The following DRC9 variants were observed in gnomAD, a reference collection of about 807,000 sequenced individuals.
DRC9 encodes dynein regulatory complex subunit 9.
the DRC9 span, chr3:197,956,723 C>T: frequency 3.3e-5 from 5 of 150,920 alleles, no homozygotes; most frequent in South Asian, 2.1e-4. Context: ...TCAACCTCCT[C>T]GGCTCAGGCA....
the DRC9 span, among the ~76,000 whole-genome samples, chr3:197,910,429 C>T: frequency 6.6e-6 from 1 of 152,212 alleles, no homozygotes; most frequent in Non-Finnish European, 1.5e-5. Context: ...TATCCAACAC[C>T]TGCCAGGTAT....
chr3:197,916,744 A>C, the DRC9 span, among the ~76,000 whole-genome samples: 1 of 152,188 alleles, frequency 6.6e-6, no homozygotes, highest in Non-Finnish European at 1.5e-5. Context: ...ATTGGAAGAA[A>C]AAACAAAGTG....
the DRC9 span, chr3:197,944,173 T>G: frequency 2.3e-6 from 2 of 852,302 alleles, no homozygotes; most frequent in South Asian, 3.4e-5. Context: ...TAATAGAACC[T>G]AGATGAAAAA....
At chr3:197,931,933 T>C in the DRC9 span, among the ~76,000 whole-genome samples, 1 of 152,098 alleles carries the variant, frequency 6.6e-6, no homozygotes, top group South Asian at 2.1e-4. Context: ...CCGAATTCAA[T>C]CTTAAGAAAG....
the DRC9 span, chr3:197,938,577 C>T: frequency 5.0e-6 from 8 of 1,613,482 alleles, no homozygotes; most frequent in East Asian, 2.2e-5. Flanking sequence ...TCAGTGTCTC[C>T]GTAGTCATGA....
At chr3:197,897,182 G>T in the DRC9 span, among the ~76,000 whole-genome samples, 3 of 151,050 alleles carry the variant, frequency 2.0e-5, no homozygotes, top group Non-Finnish European at 4.4e-5. Context: ...TAATAAATTT[G>T]AAATCAGTGT....
chr3:197,913,714 C>G, the DRC9 span: 1 of 745,614 alleles, frequency 1.3e-6, no homozygotes, highest in East Asian at 2.5e-5. Context: ...TGCTTGCGAA[C>G]ACGCATATCC....
the DRC9 span, chr3:197,958,169 A>T: frequency 6.6e-6 from 1 of 152,240 alleles, no homozygotes; most frequent in Non-Finnish European, 1.5e-5. Context: ...CTAGGCTCAG[A>T]CAATCCCCTG....
chr3:197,909,878 A>AG, the DRC9 span, among the ~76,000 whole-genome samples: 1 of 152,144 alleles, frequency 6.6e-6, no homozygotes, highest in African/African-American at 2.4e-5. Flanking sequence ...ATGTAATCCC[A>AG]GCTACTCGGG....
chr3:197,918,098 CTTTT>C, the DRC9 span, among the ~76,000 whole-genome samples: 4 of 129,622 alleles, frequency 3.1e-5, no homozygotes, highest in African/African-American at 2.9e-5. Flanking sequence ...GTCAGTGAAT[CTTTT>C]TTTTTTTTTT....
chr3:197,910,798 A>G, the DRC9 span, among the ~76,000 whole-genome samples: 53,596 of 151,892 alleles, frequency 0.35, 12,102 homozygotes, highest in African/African-American at 0.65. Context: ...TGGTCAACAC[A>G]GTGAAACCCC....
the DRC9 span, among the ~76,000 whole-genome samples, chr3:197,915,212 G>A: frequency 5.4e-4 from 54 of 99,504 alleles, no homozygotes; most frequent in South Asian, 2.7e-3. Context: ...GAAAGAAAAA[G>A]AAAAGAAAAA....
At chr3:197,901,866 T>A in the DRC9 span, among the ~76,000 whole-genome samples, 1 of 152,204 alleles carries the variant, frequency 6.6e-6, no homozygotes, top group South Asian at 2.1e-4. The surrounding 1 kb of genome is among the most constrained non-coding windows in gnomAD (Gnocchi z 4.4). Context: ...TGTAGAGTCC[T>A]AGGGCCTTGA....
At chr3:197,955,758 C>T in the DRC9 span, 26 of 1,605,188 alleles carry the variant, frequency 1.6e-5, no homozygotes, top group South Asian at 2.1e-4. Context: ...AGATGCTGTA[C>T]CCCTCAAGGA....
chr3:197,951,228 T>C, the DRC9 span: 2 of 1,614,216 alleles, frequency 1.2e-6, no homozygotes, highest in Non-Finnish European at 1.7e-6. Context: ...ACACAGCTCT[T>C]CTTAAAATTG....
At chr3:197,933,975 T>TAA in the DRC9 span, among the ~76,000 whole-genome samples, 20 of 109,508 alleles carry the variant, frequency 1.8e-4, no homozygotes, top group East Asian at 2.6e-4. Context: ...CTCACCCAGC[T>TAA]AAAAAAAAAA....
chr3:197,951,548 T>G, the DRC9 span: 2 of 487,480 alleles, frequency 4.1e-6, no homozygotes, highest in East Asian at 4.0e-5. Context: ...AGACAGGGTA[T>G]TGCCATGTTG....
At chr3:197,932,489 G>T in the DRC9 span, among the ~76,000 whole-genome samples, 1 of 151,800 alleles carries the variant, frequency 6.6e-6, no homozygotes, top group African/African-American at 2.4e-5. Context: ...AAAAAAATTA[G>T]CCAGGCGCGG....
At chr3:197,951,160 C>T in the DRC9 span, 6 of 1,613,978 alleles carry the variant, frequency 3.7e-6, no homozygotes, top group Admixed American at 1.7e-5. Context: ...GTGTCTTAGG[C>T]TGTGGTCCAA....
Sources: gnomAD v4.1 joint callset for allele counts (sites outside exome capture counted in the v4.1 genomes callset) on GRCh38, gnomAD v4.1.1 for gene constraint, Gnocchi (gnomAD v3.1) non-coding constraint, MANE v1.5 for transcripts, NCBI Gene and HGNC (gene_info 2026-07-23, HGNC 2026-07-21) for gene names.